KCNMA1: variants seen among roughly 807,000 people sequenced by gnomAD.
The protein encoded by KCNMA1 is potassium calcium-activated channel subfamily M alpha 1, also known as Calcium-activated potassium channel subunit alpha-1.
KCNMA1 carries 29 observed loss-of-function variants against 140.0 expected under a neutral mutation model. The observed-to-expected ratio is 0.21, with a 90% CI of 0.15 to 0.28. The LOEUF (loss-of-function observed/expected upper bound fraction) is 0.28, where lower values mean the gene tolerates loss of function less well. Among genes scored for constraint, KCNMA1 ranks in the 10% least tolerant of loss-of-function variants. The pLI is 1.00. For missense variants in KCNMA1, 880 were observed against 1,602.2 expected (o/e 0.55, Z 7.70); for synonymous variants, 612 against 611.9 (o/e 1.00, Z 0.00).
chr10:77,175,326 A>T (rs1724089418), intron 5 of KCNMA1, among the ~76,000 whole-genome samples: 1 of 152,202 alleles, frequency 6.6e-6, no homozygotes, highest in South Asian at 2.1e-4. Flanking sequence ...ATATTTACTC[A>T]TCGAGTTATT....
intron 3 of KCNMA1, among the ~76,000 whole-genome samples, chr10:77,231,813 G>C (rs2053696964): frequency 6.6e-6 from 1 of 152,102 alleles, no homozygotes; most frequent in African/African-American, 2.4e-5. Flanking sequence ...TTTGCTAATG[G>C]CTTTATTGAG....
At chr10:77,184,786 C>T in intron 4 of KCNMA1, 37 bp downstream of exon 4, 1 of 1,257,358 alleles carries the variant, frequency 8.0e-7, no homozygotes, top group South Asian at 1.2e-5. Context: ...GACTGAAACA[C>T]CCCATTGTGA....
intron 2 of KCNMA1, among the ~76,000 whole-genome samples, chr10:77,265,628 A>C (rs1452474486): frequency 6.6e-6 from 1 of 152,186 alleles, no homozygotes; most frequent in Non-Finnish European, 1.5e-5. Context: ...TTATTGTTCA[A>C]AATCATTTTC....
intron 23 of KCNMA1, among the ~76,000 whole-genome samples, chr10:76,928,353 T>C (rs187672361): frequency 2.2e-4 from 33 of 151,764 alleles, no homozygotes; most frequent in Admixed American, 2.1e-3. Flanking sequence ...AGAAGAAATA[T>C]ATTCCAGGGA....
chr10:77,237,805 C>T (rs1450520362), intron 3 of KCNMA1, among the ~76,000 whole-genome samples: 1 of 152,126 alleles, frequency 6.6e-6, no homozygotes, highest in Non-Finnish European at 1.5e-5. Context: ...GCACAGATGA[C>T]AAATATGAAT....
intron 3 of KCNMA1, among the ~76,000 whole-genome samples, chr10:77,224,409 C>T (rs575513947): frequency 2.0e-5 from 3 of 152,224 alleles, no homozygotes; most frequent in Non-Finnish European, 2.9e-5. Context: ...CTCAAGCCCC[C>T]TGGATGCAAA....
chr10:77,018,958 G>C lies in KCNMA1; in HGVS notation c.2015+55C>G, dbSNP rs997107392. 4.1e-6 allele frequency: 4 copies of C among 977,706 alleles called. No homozygotes were observed. In the Admixed American group the frequency reaches 6.9e-5, roughly 17 times the overall value. 60.6% of individuals were successfully genotyped at this position (977,706 alleles called of 1,614,324 possible). Reference sequence around the variant, plus strand: ...TATGGAAGCCTGCCTACTTCCGTGGGTCAAGGTGTCTACAGCCGGGCCAGA... The same window carrying C: ...TATGGAAGCCTGCCTACTTCCGTGGCTCAAGGTGTCTACAGCCGGGCCAGA... On this transcript the variant is annotated intron_variant, in intron 17 of 27. Transcript: ENST00000286628.
intron 21 of KCNMA1, among the ~76,000 whole-genome samples, chr10:76,950,179 A>G (rs1157241780): frequency 1.3e-5 from 2 of 152,072 alleles, no homozygotes; most frequent in Admixed American, 1.3e-4. Flanking sequence ...ACCCTGAAAA[A>G]CCTAAATTTT....
intron 25 of KCNMA1, among the ~76,000 whole-genome samples, chr10:76,901,011 T>G (rs1438800262): frequency 6.6e-6 from 1 of 152,148 alleles, no homozygotes; most frequent in East Asian, 1.9e-4. Flanking sequence ...CAAAAATTTT[T>G]TAAAGCTAAA....
intron 2 of KCNMA1, among the ~76,000 whole-genome samples, chr10:77,349,756 T>A (rs1031793869): frequency 5.9e-4 from 90 of 152,332 alleles, no homozygotes; most frequent in African/African-American, 2.1e-3. Context: ...TGGATGGTAG[T>A]AACTGTCTCT....
intron 13 of KCNMA1, among the ~76,000 whole-genome samples, chr10:77,074,116 C>T (rs12768824): frequency 0.082 from 12,407 of 152,048 alleles, 649 homozygotes; most frequent in Non-Finnish European, 0.12. Context: ...AGCATTTAGG[C>T]TAAAAAAAAT....
intron 9 of KCNMA1, among the ~76,000 whole-genome samples, chr10:77,095,294 C>T (rs1420396605): frequency 6.6e-6 from 1 of 152,246 alleles, no homozygotes; most frequent in East Asian, 1.9e-4. Flanking sequence ...GTTTTAAATG[C>T]TAGGTCTGGA....
At chr10:77,111,339 C>T (rs1801537541) in intron 7 of KCNMA1, among the ~76,000 whole-genome samples, 1 of 152,268 alleles carries the variant, frequency 6.6e-6, no homozygotes, top group Admixed American at 6.5e-5. Context: ...GCCTCTTTCA[C>T]ACATCAGTTT....
chr10:77,573,836 C>T (rs1438584308), intron 1 of KCNMA1, among the ~76,000 whole-genome samples: 1 of 133,718 alleles, frequency 7.5e-6, no homozygotes, highest in African/African-American at 2.7e-5. Context: ...TTATAATACT[C>T]TTTTTTTTTT....
At chr10:77,483,462 C>T (rs2098425553) in intron 1 of KCNMA1, among the ~76,000 whole-genome samples, 1 of 152,218 alleles carries the variant, frequency 6.6e-6, no homozygotes, top group Non-Finnish European at 1.5e-5. Flanking sequence ...AGGAGAAAGG[C>T]ATGCGCCACT....
chr10:77,164,074 T>C (rs2098604661), intron 5 of KCNMA1, among the ~76,000 whole-genome samples: 1 of 152,196 alleles, frequency 6.6e-6, no homozygotes, highest in South Asian at 2.1e-4. Flanking sequence ...CAGCTCGGCA[T>C]TCTGCAATTT....
intron 1 of KCNMA1, among the ~76,000 whole-genome samples, chr10:77,486,528 G>A (rs768451170): frequency 1.3e-5 from 2 of 152,140 alleles, no homozygotes; most frequent in Non-Finnish European, 2.9e-5. Flanking sequence ...TATAAATATT[G>A]GCTGTTCTTA....
At chr10:76,970,185 G>C (rs985455404) in intron 19 of KCNMA1, 118 bp from the exon 20 acceptor site, 1 of 816,512 alleles carries the variant, frequency 1.2e-6, no homozygotes, top group Non-Finnish European at 2.1e-6. Context: ...ATTCATGGCT[G>C]TCTTTTAGGA....
At chr10:76,910,369 G>A in intron 24 of KCNMA1, 1 of 432,196 alleles carries the variant, frequency 2.3e-6, no homozygotes, top group Non-Finnish European at 4.3e-6. Flanking sequence ...GACTGTGCTG[G>A]CCAGTCCTTT....
Sources: gnomAD v4.1 joint callset for allele counts (sites outside exome capture counted in the v4.1 genomes callset) on GRCh38, gnomAD v4.1.1 for gene constraint, MANE v1.5 for transcripts, NCBI Gene and HGNC (gene_info 2026-07-23, HGNC 2026-07-21) for gene names.